STK3: variants seen among roughly 807,000 people sequenced by gnomAD.
The protein encoded by STK3 is serine/threonine kinase 3.
STK3 carries 41 observed loss-of-function variants against 58.0 expected under a neutral mutation model. The observed-to-expected ratio is 0.71, with a 90% CI of 0.55 to 0.92. The LOEUF (loss-of-function observed/expected upper bound fraction) is 0.92, where lower values mean the gene tolerates loss of function less well. Among genes scored for constraint, STK3 ranks in the 40% least tolerant of loss-of-function variants. The pLI, the probability that STK3 is intolerant of heterozygous loss-of-function variation, is 0.00. For missense variants in STK3, 479 were observed against 602.7 expected (o/e 0.79, Z 2.15); for synonymous variants, 170 against 191.0 (o/e 0.89, Z 0.91).
chr8:98,807,083 G>A, intron 1 of STK3, among the ~76,000 whole-genome samples: 1 of 150,994 alleles, frequency 6.6e-6, no homozygotes, highest in Middle Eastern at 3.2e-3. Context: ...AAACCCAGGA[G>A]GTAGAGCTTG....
At chr8:98,397,962 A>T (rs1586547700), downstream of STK3, among the ~76,000 whole-genome samples, 2 of 151,838 alleles carry the variant, frequency 1.3e-5, no homozygotes, top group Non-Finnish European at 2.9e-5. Flanking sequence ...AGTCAATTAA[A>T]CCTCTTTTCT....
At position 98,455,761 on chromosome 8, in the gene STK3, A is replaced by T. The variant is rs1297586900; in HGVS notation, c.*81T>A. On this transcript the variant is annotated 3_prime_UTR_variant, in exon 11 of 11. Transcript: ENST00000419617. ...CCTAATTGTAGGGCAAAATCTTAGG[A>T]TTAAAAATATCCAAATATTCCTTCA... is the stretch of plus-strand genomic sequence containing the variant. 6.5e-7 allele frequency: 1 copy of T among 1,540,330 alleles called. No individual in the cohort carries two copies. The highest frequency in any genetic ancestry group is 2.3e-5 in the East Asian group (1 of 43,066).
intron 8 of STK3, among the ~76,000 whole-genome samples, chr8:98,551,626 G>A (rs1159645927): frequency 6.6e-6 from 1 of 152,052 alleles, no homozygotes; most frequent in Non-Finnish European, 1.5e-5. Flanking sequence ...AATACTGCGA[G>A]GACATCTACC....
In STK3 at chr8:98,825,471, G is replaced by A. The variant is rs775880618; in HGVS notation, c.26+44C>T. ...GCCTAGCCACCCCCGCCCCGCGGCCGCCGGCGCCGCTTCCCTCCTTCTTCC... is the reference window on the plus strand; with the variant it reads ...GCCTAGCCACCCCCGCCCCGCGGCCACCGGCGCCGCTTCCCTCCTTCTTCC... On this transcript the variant is annotated intron_variant, in intron 1 of 10. Coordinates refer to ENST00000419617, the MANE Select transcript of STK3 (RefSeq NM_006281.4). The A allele has an allele frequency of 1.4e-5, 20 of 1,430,146 alleles. 1 individual carries two copies. Among genetic ancestry groups the A allele is most frequent in the Non-Finnish European group, 1.7e-5 (18 of 1,083,160 alleles). 88.6% of individuals were successfully genotyped at this position (1,430,146 alleles called of 1,614,324 possible). A position where few individuals can be genotyped will look rare whatever the true frequency, so the allele number is the denominator to read the frequency against.
chr8:98,447,799 T>C (rs2131111796), intron 1 of STK3, among the ~76,000 whole-genome samples: 1 of 148,762 alleles, frequency 6.7e-6, no homozygotes, highest in East Asian at 1.9e-4. Context: ...TTGCTGTGGA[T>C]GAATGTCAGG....
intron 6 of STK3, among the ~76,000 whole-genome samples, chr8:98,629,469 C>T (rs984724587): frequency 1.3e-5 from 2 of 152,130 alleles, no homozygotes; most frequent in Non-Finnish European, 2.9e-5. Flanking sequence ...ATATGGGGAA[C>T]CCTAAACACT....
At chr8:98,788,765 A>G (rs1480408586) in intron 1 of STK3, among the ~76,000 whole-genome samples, 1 of 152,200 alleles carries the variant, frequency 6.6e-6, no homozygotes, top group African/African-American at 2.4e-5. Flanking sequence ...CCAAATTTAT[A>G]AAACAATTAC....
chr8:98,433,847 C>A (rs1818390801), intron 3 of STK3, among the ~76,000 whole-genome samples: 2 of 152,192 alleles, frequency 1.3e-5, no homozygotes, highest in African/African-American at 4.8e-5. Context: ...GGTTCTGATC[C>A]AAGTGAATCA....
chr8:98,847,837 T>G (rs539509267), intron 3 of STK3, among the ~76,000 whole-genome samples: 1 of 152,326 alleles, frequency 6.6e-6, no homozygotes, highest in South Asian at 2.1e-4. Flanking sequence ...TCTCACTAAC[T>G]TTAGCTCCAG....
At chr8:98,353,057 T>C in the STK3 span, among the ~76,000 whole-genome samples, 1 of 152,236 alleles carries the variant, frequency 6.6e-6, no homozygotes, top group Non-Finnish European at 1.5e-5. Context: ...TGATTGTCCA[T>C]ATGGATGGCT....
intron 4 of STK3, among the ~76,000 whole-genome samples, chr8:98,741,550 G>A (rs547521238): frequency 1.3e-5 from 2 of 152,210 alleles, no homozygotes; most frequent in South Asian, 4.1e-4. Context: ...AAACCAATGA[G>A]AACAAAGACA....
rs189048009 is a variant in STK3, at chr8:98,856,607, G to A, written c.110+27040C>T. Among the ~76,000 whole-genome samples the A allele has an allele frequency of 4.1e-4, 62 of 152,288 alleles. 1 individual carries two copies. The highest frequency in any genetic ancestry group is 1.5e-3 in the South Asian group (7 of 4,820). On this transcript the variant is annotated intron_variant, in intron 3 of 12. Transcript: ENST00000523601. ...TAGAACTCTCACACACTACTAGTGG[G>A]AATGTAAAATGGCACAACCACTTTG...
At position 98,513,681 on chromosome 8, in the gene STK3, G is replaced by C. The variant is rs140840146; in HGVS notation, c.1317+13061C>G. 1.4e-3 allele frequency among the ~76,000 whole-genome samples: 211 copies of C among 152,250 alleles called. 1 individual carries two copies. Among genetic ancestry groups the C allele is most frequent in the Admixed American group, 2.3e-3 (35 of 15,292 alleles). ...GGCCACAGAAATAGTATACCTGGGT[G>C]GGGCGGGGGAGAAGTGGAGAGTACC... On this transcript the variant is annotated intron_variant, in intron 10 of 10. Coordinates refer to ENST00000419617, the MANE Select transcript of STK3 (RefSeq NM_006281.4).
intron 6 of STK3, among the ~76,000 whole-genome samples, chr8:98,699,734 G>C (rs1825371170): frequency 1.3e-5 from 2 of 152,176 alleles, no homozygotes; most frequent in South Asian, 2.1e-4. Flanking sequence ...TTTTGTCTCA[G>C]AGGAGTACCC....
At chr8:98,523,118 A>G (rs1825487388) in intron 10 of STK3, among the ~76,000 whole-genome samples, 1 of 152,150 alleles carries the variant, frequency 6.6e-6, no homozygotes, top group Non-Finnish European at 1.5e-5. Context: ...GAACCACCAT[A>G]CTGCTTCCCA....
At chr8:98,394,390 G>T (rs1045257067) in intron 3 of STK3, among the ~76,000 whole-genome samples, 2 of 151,974 alleles carry the variant, frequency 1.3e-5, no homozygotes, top group Non-Finnish European at 2.9e-5. Flanking sequence ...TTAGAAATAG[G>T]AAGTTTTCAG....
At chr8:98,764,475 A>G (rs1383975276) in intron 3 of STK3, among the ~76,000 whole-genome samples, 1 of 152,264 alleles carries the variant, frequency 6.6e-6, no homozygotes, top group Non-Finnish European at 1.5e-5. Flanking sequence ...ACATTTCAGA[A>G]GGAAAATCTA....
rs763155521 is a variant in STK3, at chr8:98,859,834, G to A, written c.110+23813C>T. 7.2e-5 allele frequency among the ~76,000 whole-genome samples: 11 copies of A among 152,322 alleles called. No homozygotes were observed. The South Asian group carries it at 1.7e-3, about 23-fold the overall frequency. On this transcript the variant is annotated intron_variant, in intron 3 of 12. Coordinates refer to the STK3 transcript ENST00000523601. ...GATAGTCACCAGAAAATGGAAGGAC[G>A]TTTATTGAGAAGTTACAACGTGAAA... is the stretch of plus-strand genomic sequence containing the variant.
chr8:98,731,180 T>C (rs565532969), intron 4 of STK3, among the ~76,000 whole-genome samples: 10 of 152,202 alleles, frequency 6.6e-5, no homozygotes, highest in African/African-American at 2.4e-4. Flanking sequence ...GAGAAGGTCA[T>C]AACCAAGAGC....
Sources: gnomAD v4.1 joint callset for allele counts (sites outside exome capture counted in the v4.1 genomes callset) on GRCh38, gnomAD v4.1.1 for gene constraint, MANE v1.5 for transcripts, NCBI Gene and HGNC (gene_info 2026-07-23, HGNC 2026-07-21) for gene names.